Variants in FILIP1L observed in about 807,000 individuals in gnomAD.
The protein encoded by FILIP1L is filamin A-interacting protein 1-like.
Under a neutral mutation model 96.6 loss-of-function variants are expected in FILIP1L, and 55 were observed. The observed-to-expected ratio is 0.57, with a 90% confidence interval of 0.46 to 0.71. FILIP1L has a LOEUF of 0.71. Among genes scored for constraint, FILIP1L ranks in the 30% least tolerant of loss-of-function variants. FILIP1L has a pLI of 0.00. For missense variants in FILIP1L, 1,304 were observed against 1,321.2 expected (o/e 0.99, Z 0.20); for synonymous variants, 467 against 473.9 (o/e 0.99, Z 0.19).
intron 1 of FILIP1L, among the ~76,000 whole-genome samples, chr3:99,941,188 G>A (rs910042795): frequency 2.6e-5 from 4 of 151,564 alleles, no homozygotes; most frequent in East Asian, 1.9e-4. Context: ...TATTCCTTAC[G>A]TCTTTTTTTT....
chr3:99,912,793 T>C (rs1321550028), intron 4 of FILIP1L, among the ~76,000 whole-genome samples: 1 of 152,236 alleles, frequency 6.6e-6, no homozygotes, highest in Non-Finnish European at 1.5e-5. Context: ...TTGACTATCA[T>C]GAATAATGCT....
chr3:100,016,413 A>G (rs1710341841), intron 1 of FILIP1L, among the ~76,000 whole-genome samples: 1 of 152,158 alleles, frequency 6.6e-6, no homozygotes, highest in South Asian at 2.1e-4. Context: ...CTGGTCTCAA[A>G]TTCCTGACCT....
chr3:100,022,747 C>T (rs555797934), intron 1 of FILIP1L, among the ~76,000 whole-genome samples: 2 of 152,286 alleles, frequency 1.3e-5, no homozygotes, highest in South Asian at 4.1e-4. Context: ...ATCATTTGTT[C>T]CCATGGTTAT....
intron 5 of FILIP1L, among the ~76,000 whole-genome samples, chr3:99,844,848 C>T (rs1036903699): frequency 1.3e-5 from 2 of 152,190 alleles, no homozygotes; most frequent in African/African-American, 2.4e-5. Flanking sequence ...CCCCTGTGCA[C>T]TCTCTCGCTC....
chr3:99,972,088 A>G (rs1287375838), intron 1 of FILIP1L, among the ~76,000 whole-genome samples: 2 of 152,196 alleles, frequency 1.3e-5, no homozygotes, highest in Non-Finnish European at 2.9e-5. Flanking sequence ...ATTGAGAGGA[A>G]CCTGGTTCTG....
chr3:100,069,924 T>A (rs1416066706), intron 1 of FILIP1L, among the ~76,000 whole-genome samples: 1 of 152,224 alleles, frequency 6.6e-6, no homozygotes, highest in African/African-American at 2.4e-5. Context: ...AAAGAAAATC[T>A]GGTTTGATAG....
chr3:100,010,424 G>A, intron 1 of FILIP1L, among the ~76,000 whole-genome samples: 1 of 151,946 alleles, frequency 6.6e-6, no homozygotes, highest in East Asian at 1.9e-4. Flanking sequence ...CCTCAATTTT[G>A]CCTTTTAGAG....
intron 1 of FILIP1L, among the ~76,000 whole-genome samples, chr3:100,011,531 C>T (rs1013614738): frequency 1.3e-5 from 2 of 152,106 alleles, no homozygotes; most frequent in African/African-American, 2.4e-5. Context: ...AAACTAAATA[C>T]CTGACAATTT....
chr3:99,996,506 T>C (rs1015091368), intron 1 of FILIP1L, among the ~76,000 whole-genome samples: 6 of 152,174 alleles, frequency 3.9e-5, no homozygotes, highest in Non-Finnish European at 8.8e-5. Context: ...CATTTTCGGG[T>C]ATCTTTTCAG....
Position 99,849,950 on chromosome 3 carries a change from CTTCTT to C in FILIP1L, c.1721_1725del (p.Glu574GlyfsTer5). 1 of 1,612,934 alleles carries C rather than the reference CTTCTT, an allele frequency of 6.2e-7. No individual in the cohort carries two copies. Among genetic ancestry groups the C allele is most frequent in the South Asian group, 1.1e-5 (1 of 90,588 alleles). On this transcript the variant is annotated frameshift_variant, in exon 5 of 6. Coordinates refer to ENST00000477258, the MANE Select transcript of FILIP1L (RefSeq NM_001387850.1). LOFTEE classifies it high-confidence loss of function. ...CTTGACAGGAGATCATTTCCTTTCTCTTCTTCCGCTTTCAATTTGTTTTTTAAATC... is the reference window on the plus strand; with the variant it reads ...CTTGACAGGAGATCATTTCCTTTCTCCCGCTTTCAATTTGTTTTTTAAATC...
At chr3:100,035,653 G>A (rs2065095404) in intron 1 of FILIP1L, among the ~76,000 whole-genome samples, 1 of 152,136 alleles carries the variant, frequency 6.6e-6, no homozygotes, top group East Asian at 1.9e-4. Flanking sequence ...TAAAGAAATT[G>A]AACCATAGAA....
intron 1 of FILIP1L, among the ~76,000 whole-genome samples, chr3:99,967,795 A>G (rs1323279965): frequency 1.3e-5 from 2 of 152,226 alleles, no homozygotes; most frequent in South Asian, 2.1e-4. Flanking sequence ...AATTCAACCA[A>G]TACTCCTTGA....
intron 1 of FILIP1L, chr3:100,025,578 A>G (rs141104374): frequency 6.6e-6 from 1 of 152,312 alleles, no homozygotes; most frequent in African/African-American, 2.4e-5. Context: ...CTTTGCTGTT[A>G]TATTGAGCAG....
chr3:100,036,246 A>G (rs1238831338), intron 1 of FILIP1L, among the ~76,000 whole-genome samples: 1 of 152,194 alleles, frequency 6.6e-6, no homozygotes, highest in Non-Finnish European at 1.5e-5. Flanking sequence ...AAGCTTCTAC[A>G]TCTCATTTCC....
At chr3:99,889,481 T>C (rs1272112060) in intron 4 of FILIP1L, among the ~76,000 whole-genome samples, 1 of 152,116 alleles carries the variant, frequency 6.6e-6, no homozygotes, top group African/African-American at 2.4e-5. Flanking sequence ...GAGTCTCATA[T>C]AAATAACGTA....
At chr3:99,981,153 C>T (rs1342156025) in intron 1 of FILIP1L, among the ~76,000 whole-genome samples, 1 of 152,188 alleles carries the variant, frequency 6.6e-6, no homozygotes, top group African/African-American at 2.4e-5. Context: ...CACAAACACC[C>T]TGTGCTGGGA....
chr3:99,871,177 T>C (rs1246040465), intron 4 of FILIP1L, among the ~76,000 whole-genome samples: 1 of 152,210 alleles, frequency 6.6e-6, no homozygotes, highest in East Asian at 1.9e-4. Flanking sequence ...CTGCCTTGAC[T>C]TAACCTGAGC....
chr3:100,111,632 A>C (rs1468798521), intron 1 of FILIP1L, among the ~76,000 whole-genome samples: 1 of 152,176 alleles, frequency 6.6e-6, no homozygotes, highest in Admixed American at 6.5e-5. Context: ...CCATCAGATT[A>C]AACAGAAAAT....
At chr3:100,013,509 G>A (rs1710228666) in intron 1 of FILIP1L, among the ~76,000 whole-genome samples, 1 of 152,236 alleles carries the variant, frequency 6.6e-6, no homozygotes, top group South Asian at 2.1e-4. Flanking sequence ...CTCCCAAAGT[G>A]CTGGGATTAC....
Sources: gnomAD v4.1 joint callset for allele counts (sites outside exome capture counted in the v4.1 genomes callset) on GRCh38, gnomAD v4.1.1 for gene constraint, MANE v1.5 for transcripts, NCBI Gene and HGNC (gene_info 2026-07-23, HGNC 2026-07-21) for gene names.